The following NPHP4 variants were observed in gnomAD, a reference collection of about 807,000 sequenced individuals.
The protein encoded by NPHP4 is nephrocystin-4.
Under a neutral mutation model 155.8 loss-of-function variants are expected in NPHP4, and 151 were observed. That is an observed-to-expected ratio of 0.97 (90% CI 0.85 to 1.11). The LOEUF (loss-of-function observed/expected upper bound fraction) is 1.11. NPHP4 is among the 50% of genes least tolerant of loss of function. NPHP4 has a pLI of 0.00. For missense variants in NPHP4, 1,956 were observed against 1,925.7 expected, an observed-to-expected ratio of 1.02 and a Z score of -0.29; for synonymous variants, 845 against 816.8, an observed-to-expected ratio of 1.03 and a Z score of -0.59.
intron 11 of NPHP4, among the ~76,000 whole-genome samples, chr1:5,912,509 G>C (rs1328586493): frequency 7.0e-6 from 1 of 142,554 alleles, no homozygotes; most frequent in Non-Finnish European, 1.5e-5. Flanking sequence ...CTGCACTCCA[G>C]CCTGGGCAAC....
intron 16 of NPHP4, among the ~76,000 whole-genome samples, chr1:5,900,967 C>T (rs904618756): frequency 2.6e-5 from 4 of 151,640 alleles, no homozygotes; most frequent in African/African-American, 9.7e-5. Context: ...CCCAGGAGGT[C>T]GAGGCTGCCA....
At chr1:5,884,803 A>G (rs1643627538) in intron 18 of NPHP4, among the ~76,000 whole-genome samples, 1 of 141,210 alleles carries the variant, frequency 7.1e-6, no homozygotes, top group African/African-American at 2.7e-5. Context: ...ATCACTGCCC[A>G]AGCTCCCAGC....
In NPHP4 at chr1:5,864,287, C is replaced by T. The variant is rs1359900985; in HGVS notation, c.3996+51G>A. The T allele has an allele frequency of 8.6e-6, 13 of 1,514,176 alleles. No individual in the cohort carries two copies. The East Asian group carries it at 2.8e-4, about 33-fold the overall frequency. 93.8% of individuals were successfully genotyped at this position (1,514,176 alleles called of 1,614,324 possible). ...GGCCGAGGTGGGGGTCCTGCAGTGC[C>T]CTGGTATTGAGCCCCCATCCCCTCA... On this transcript the variant is annotated intron_variant, in intron 28 of 29. Coordinates refer to ENST00000378156, the MANE Select transcript of NPHP4 (RefSeq NM_015102.5).
At chr1:5,909,868 C>G (rs1645092731) in intron 11 of NPHP4, among the ~76,000 whole-genome samples, 1 of 152,188 alleles carries the variant, frequency 6.6e-6, no homozygotes, top group South Asian at 2.1e-4. Context: ...AGCCAGCAGC[C>G]TCCTCCCAGG....
chr1:5,886,720 T>A (rs976371336), intron 18 of NPHP4: 1 of 152,578 alleles, frequency 6.6e-6, no homozygotes, highest in African/African-American at 2.4e-5. Flanking sequence ...TCGAAGCCCC[T>A]GGAACGTCCC....
At chr1:5,873,959 A>G in intron 22 of NPHP4, 1 of 216,080 alleles carries the variant, frequency 4.6e-6, no homozygotes, top group South Asian at 6.5e-5. Flanking sequence ...CCTCCTGCAC[A>G]CACACCTCAC....
At chr1:5,868,622 A>G (rs548033889) in intron 23 of NPHP4, among the ~76,000 whole-genome samples, 6 of 150,832 alleles carry the variant, frequency 4.0e-5, no homozygotes, top group African/African-American at 1.5e-4. Flanking sequence ...ACGTGCACAC[A>G]CATGCAAACA....
chr1:5,866,308 G>GCC, intron 26 of NPHP4, 65 bp downstream of exon 26: 1 of 1,063,688 alleles, frequency 9.4e-7, no homozygotes, highest in Non-Finnish European at 1.4e-6. Flanking sequence ...TCCACCAGCA[G>GCC]CCCCAGGCCT....
chr1:5,964,431 G>C (rs1043195574), intron 5 of NPHP4, among the ~76,000 whole-genome samples: 2 of 152,152 alleles, frequency 1.3e-5, no homozygotes, highest in African/African-American at 2.4e-5. Context: ...CTGCAAACTA[G>C]AACAGGTGAG....
At chr1:5,915,719 A>AGGGTCAGTTTCAGAAGTGTCACCTCCC in intron 11 of NPHP4, among the ~76,000 whole-genome samples, 1 of 152,284 alleles carries the variant, frequency 6.6e-6, no homozygotes, top group South Asian at 2.1e-4. Flanking sequence ...GGTCACCTCC[A>AGGGTCAGTTTCAGAAGTGTCACCTCCC]GGGTCAGTTT....
chr1:5,914,919 TC>T (rs1019188210), intron 11 of NPHP4, among the ~76,000 whole-genome samples: 2 of 151,738 alleles, frequency 1.3e-5, no homozygotes, highest in African/African-American at 4.8e-5. Flanking sequence ...CAGGTAGACC[TC>T]CCCCCCGCAC....
intron 9 of NPHP4, among the ~76,000 whole-genome samples, chr1:5,937,880 G>A (rs12060459): frequency 0.029 from 4,412 of 152,228 alleles, 195 homozygotes; most frequent in African/African-American, 0.097. Flanking sequence ...GAGACAGGGA[G>A]GCCTAAGATA....
rs1645130995 is a variant in NPHP4, at chr1:5,910,584, A to G, written c.1442-1371T>C. ...CGGCACTTACGGGACCTACGGACCA[A>G]GCACACAGCACAGAGGCCTGTGACG... On this transcript the variant is annotated intron_variant, in intron 11 of 29. Transcript: ENST00000378156. The surrounding 1 kb of genome is among the most constrained non-coding windows in gnomAD (Gnocchi z 5.4). Among the ~76,000 whole-genome samples the G allele has an allele frequency of 6.6e-6, 1 of 152,240 alleles. No homozygotes were observed. Among genetic ancestry groups the G allele is most frequent in the Non-Finnish European group, 1.5e-5 (1 of 68,044 alleles).
chr1:5,882,374 A>T lies in NPHP4; in HGVS notation c.2486-2135T>A, dbSNP rs34251435. ...TGACGCGCTTACCCAGCCATCTCTCAGTGGTGCGCTTACCCAGCCATCTCT... is the reference window on the plus strand; with the variant it reads ...TGACGCGCTTACCCAGCCATCTCTCTGTGGTGCGCTTACCCAGCCATCTCT... On this transcript the variant is annotated intron_variant, in intron 18 of 29. Transcript: ENST00000378156. The surrounding 1 kb of genome is among the most constrained non-coding windows in gnomAD (Gnocchi z 5.1). The T allele has an allele frequency of 0.082, 12,429 of 151,092 alleles. 590 individuals are homozygous for T. Among genetic ancestry groups the T allele is most frequent in the Middle Eastern group, 0.13 (38 of 290 alleles). The allele number at this position is 151,092 out of a possible 1,614,324, so 9.4% of individuals were successfully genotyped here.
intron 9 of NPHP4, among the ~76,000 whole-genome samples, chr1:5,939,814 T>C (rs1391063089): frequency 1.3e-5 from 2 of 152,120 alleles, no homozygotes; most frequent in African/African-American, 4.8e-5. Context: ...TCTATGAGCT[T>C]GGATTTAAGG....
chr1:5,943,153 C>A (rs1212139132), intron 9 of NPHP4, among the ~76,000 whole-genome samples: 1 of 152,206 alleles, frequency 6.6e-6, no homozygotes, highest in African/African-American at 2.4e-5. Context: ...TTGGTAGTTT[C>A]TTTAGCTTCT....
intron 5 of NPHP4, among the ~76,000 whole-genome samples, chr1:5,963,683 T>C (rs1444212779): frequency 8.1e-6 from 1 of 124,036 alleles, no homozygotes; most frequent in Non-Finnish European, 1.7e-5. Context: ...TCCAACCTTT[T>C]CTTTTCTTTT....
At chr1:5,962,662 G>A (rs1021378776) in intron 5 of NPHP4, among the ~76,000 whole-genome samples, 2 of 152,206 alleles carry the variant, frequency 1.3e-5, no homozygotes, top group African/African-American at 2.4e-5. Flanking sequence ...TACCCATAAC[G>A]CACGGGAGAA....
At chr1:5,949,680 G>T (rs1158982306) in intron 7 of NPHP4, among the ~76,000 whole-genome samples, 2 of 151,966 alleles carry the variant, frequency 1.3e-5, no homozygotes, top group African/African-American at 4.8e-5. Context: ...TGAAGCCTGA[G>T]GGGAAACAAG....
Sources: allele counts gnomAD v4.1 joint callset (sites outside exome capture counted in the v4.1 genomes callset), GRCh38; gene constraint gnomAD v4.1.1; non-coding constraint Gnocchi (gnomAD v3.1); transcripts MANE v1.5; gene names NCBI Gene and HGNC (gene_info 2026-07-23, HGNC 2026-07-21).